SH3GL3: variants seen among roughly 807,000 people sequenced by gnomAD.
SH3GL3 encodes the protein SH3 domain containing GRB2 like 3, endophilin A3.
In SH3GL3, 33 loss-of-function variants were observed where a neutral mutation model predicts 47.7. The observed-to-expected ratio is 0.69, with a 90% confidence interval of 0.52 to 0.92. The LOEUF is 0.92. Ranked by LOEUF, SH3GL3 falls within the 40% of genes least tolerant of loss-of-function variation. The pLI is 0.00. For synonymous variants in SH3GL3, 155 were observed against 148.8 expected (o/e 1.04, Z -0.30); for missense variants, 363 against 417.8 (o/e 0.87, Z 1.14).
chr15:83,450,668 C>G (rs1297208020), intron 1 of SH3GL3, among the ~76,000 whole-genome samples: 2 of 137,442 alleles, frequency 1.5e-5, no homozygotes, highest in Admixed American at 7.6e-5. Flanking sequence ...TTAATTAATT[C>G]TAAGTTTCAG....
intron 1 of SH3GL3, among the ~76,000 whole-genome samples, chr15:83,547,434 C>T (rs918687653): frequency 7.2e-5 from 11 of 152,230 alleles, no homozygotes; most frequent in Non-Finnish European, 1.6e-4. Context: ...TGCCATGCTG[C>T]ACTGCTGGGG....
intron 2 of SH3GL3, among the ~76,000 whole-genome samples, chr15:83,562,354 A>G (rs968383868): frequency 1.3e-5 from 2 of 152,278 alleles, no homozygotes; most frequent in African/African-American, 4.8e-5. Flanking sequence ...TATAAAAAAG[A>G]TCTGAAGTAG....
At chr15:83,567,399 G>A (rs2045600305) in intron 3 of SH3GL3, among the ~76,000 whole-genome samples, 1 of 152,162 alleles carries the variant, frequency 6.6e-6, no homozygotes, top group Admixed American at 6.5e-5. Flanking sequence ...AGCTCCTTGA[G>A]GGCAAAGCCT....
At chr15:83,476,122 TAA>T (rs1009475677) in intron 1 of SH3GL3, among the ~76,000 whole-genome samples, 2 of 152,200 alleles carry the variant, frequency 1.3e-5, no homozygotes, top group Non-Finnish European at 2.9e-5. Context: ...TCAAATAGTA[TAA>T]CTAGCAAAAA....
intron 1 of SH3GL3, among the ~76,000 whole-genome samples, chr15:83,459,109 T>A (rs2040144380): frequency 1.3e-5 from 2 of 152,164 alleles, no homozygotes; most frequent in Non-Finnish European, 2.9e-5. Context: ...TGGAGTCCAA[T>A]GTTCGAGGGC....
At chr15:83,523,694 C>T (rs1209395231) in intron 1 of SH3GL3, among the ~76,000 whole-genome samples, 1 of 152,156 alleles carries the variant, frequency 6.6e-6, no homozygotes, top group Non-Finnish European at 1.5e-5. Context: ...CCAACATAGC[C>T]TAAACTATTG....
intron 2 of SH3GL3, among the ~76,000 whole-genome samples, chr15:83,560,477 A>C (rs1338812979): frequency 2.0e-5 from 3 of 152,272 alleles, no homozygotes; most frequent in African/African-American, 4.8e-5. Flanking sequence ...CTTAAAAAAA[A>C]CTCTTAATAT....
At chr15:83,540,087 A>T (rs941590326) in intron 1 of SH3GL3, among the ~76,000 whole-genome samples, 1 of 152,170 alleles carries the variant, frequency 6.6e-6, no homozygotes, top group Non-Finnish European at 1.5e-5. Flanking sequence ...CAGGCTGTTT[A>T]TGCATGTGTT....
At chr15:83,457,277 C>T (rs2040038697) in intron 1 of SH3GL3, among the ~76,000 whole-genome samples, 1 of 152,198 alleles carries the variant, frequency 6.6e-6, no homozygotes, top group Non-Finnish European at 1.5e-5. Context: ...CAAGACTAAC[C>T]ATCTACTGAT....
At chr15:83,575,953 C>G (rs1366236292) in intron 5 of SH3GL3, among the ~76,000 whole-genome samples, 1 of 152,096 alleles carries the variant, frequency 6.6e-6, no homozygotes, top group African/African-American at 2.4e-5. Flanking sequence ...GCAAGGCAGC[C>G]TGTTCCATGA....
chr15:83,564,411 CT>C (rs1394377912), intron 2 of SH3GL3, among the ~76,000 whole-genome samples: 4 of 152,034 alleles, frequency 2.6e-5, no homozygotes, highest in African/African-American at 9.7e-5. Context: ...ATTTTTATTG[CT>C]TTTATGAATG....
rs930771886 is a variant in SH3GL3, at chr15:83,448,004, G to T, written c.45+426G>T. On this transcript the variant is annotated intron_variant, in intron 1 of 8. Transcript: ENST00000427482. The surrounding 1 kb of genome is among the most constrained non-coding windows in gnomAD (Gnocchi z 4.2). The stretch of plus-strand genomic sequence containing the variant: ...CCTCGTGGGGGGCCCATCCTCCACC[G>T]GCCACCGGCGCCTCCAGAGATGCTG... Among the ~76,000 whole-genome samples, 1 of 152,140 alleles carries T rather than the reference G, an allele frequency of 6.6e-6. No homozygotes were observed. The highest frequency in any genetic ancestry group is 1.5e-5 in the Non-Finnish European group (1 of 68,018).
At chr15:83,633,571 T>C in the SH3GL3 span, among the ~76,000 whole-genome samples, 1 of 152,130 alleles carries the variant, frequency 6.6e-6, no homozygotes, top group Admixed American at 6.6e-5. Flanking sequence ...GGAGAATATC[T>C]GAAGACAAGG....
chr15:83,521,525 G>GA (rs1299945444), intron 1 of SH3GL3, among the ~76,000 whole-genome samples: 2 of 152,142 alleles, frequency 1.3e-5, no homozygotes, highest in Admixed American at 1.3e-4. Context: ...GCTGCTGGAA[G>GA]GATGACCGTC....
intron 1 of SH3GL3, among the ~76,000 whole-genome samples, chr15:83,481,544 TAA>T: frequency 6.6e-6 from 1 of 152,200 alleles, no homozygotes; most frequent in Admixed American, 6.5e-5. Flanking sequence ...TGAGTTACAT[TAA>T]AGCAGGCAAA....
chr15:83,472,522 T>A (rs761227152), intron 1 of SH3GL3, among the ~76,000 whole-genome samples: 2 of 152,206 alleles, frequency 1.3e-5, no homozygotes, highest in South Asian at 4.1e-4. Flanking sequence ...TAATTTTTAA[T>A]TTCAGTTATT....
At chr15:83,517,998 A>G (rs1300773875) in intron 1 of SH3GL3, among the ~76,000 whole-genome samples, 1 of 152,070 alleles carries the variant, frequency 6.6e-6, no homozygotes, top group Non-Finnish European at 1.5e-5. Flanking sequence ...GAGAACATGC[A>G]GTATTTGGTT....
chr15:83,566,818 G>A (rs981313250), intron 3 of SH3GL3, among the ~76,000 whole-genome samples: 3 of 152,152 alleles, frequency 2.0e-5, no homozygotes, highest in Non-Finnish European at 4.4e-5. Context: ...GTGAATGTGA[G>A]TGGCACTCAC....
chr15:83,531,131 T>C (rs916091959), intron 1 of SH3GL3, among the ~76,000 whole-genome samples: 3 of 152,232 alleles, frequency 2.0e-5, no homozygotes, highest in African/African-American at 7.2e-5. Context: ...GAGCAGTAGC[T>C]GGTCAGAGGG....
Sources: gnomAD v4.1 joint callset for allele counts (sites outside exome capture counted in the v4.1 genomes callset) on GRCh38, gnomAD v4.1.1 for gene constraint, Gnocchi (gnomAD v3.1) non-coding constraint, MANE v1.5 for transcripts, NCBI Gene and HGNC (gene_info 2026-07-23, HGNC 2026-07-21) for gene names.